Variants in THAP1 observed in about 807,000 individuals in gnomAD.
The protein encoded by THAP1 is THAP domain-containing protein 1.
Under a neutral mutation model 18.2 loss-of-function variants are expected in THAP1, and 6 were observed. The observed-to-expected ratio is 0.33, with a 90% CI of 0.18 to 0.65. THAP1 has a LOEUF of 0.65. Among genes scored for constraint, THAP1 ranks in the 30% least tolerant of loss-of-function variants. The probability of loss-of-function intolerance (pLI) is 0.74; values close to 1 mark genes in which losing one functional copy is unlikely to be tolerated. For synonymous variants in THAP1, 85 were observed against 90.5 expected (o/e 0.94, Z 0.34); for missense variants, 176 against 253.0 (o/e 0.70, Z 2.06).
At chr8:42,841,182 T>C (rs748568523) in intron 1 of THAP1, among the ~76,000 whole-genome samples, 123 of 152,084 alleles carry the variant, frequency 8.1e-4, no homozygotes, top group African/African-American at 2.2e-3. Flanking sequence ...TCTTAAGATC[T>C]TTCCCATCTA....
rs1414288594 is a variant in THAP1, at chr8:42,838,436, AG to A, written c.268-101del. 4 of 1,494,510 alleles carry A rather than the reference AG, an allele frequency of 2.7e-6. No homozygotes were observed. The African/African-American group carries it at 5.5e-5, about 21-fold the overall frequency. 92.6% of individuals were successfully genotyped at this position (1,494,510 alleles called of 1,614,324 possible). A position where few individuals can be genotyped will look rare whatever the true frequency, so the allele number is the denominator to read the frequency against. On this transcript the variant is annotated intron_variant, in intron 2 of 2. Coordinates refer to ENST00000254250, the MANE Select transcript of THAP1 (RefSeq NM_018105.3). The stretch of plus-strand genomic sequence containing the variant: ...CGCAGTGGCTCATGCCTATAATCCT[AG>A]TACTTTTGTGAGGAAGAGGTGGGCG...
intron 1 of THAP1, among the ~76,000 whole-genome samples, chr8:42,841,995 T>TA: frequency 6.6e-6 from 1 of 152,248 alleles, no homozygotes; most frequent in South Asian, 2.1e-4. Flanking sequence ...AAAAATAAAT[T>TA]AACTGAAAAG....
At chr8:42,839,127 C>T in intron 2 of THAP1, 59 bp downstream of exon 2, 2 of 1,578,248 alleles carry the variant, frequency 1.3e-6, no homozygotes, top group Non-Finnish European at 1.7e-6. Flanking sequence ...ACATTTTAAT[C>T]AATGAACACA....
chr8:42,842,982 C>A (rs748129133), intron 1 of THAP1, 42 bp downstream of exon 1: 6 of 1,560,902 alleles, frequency 3.8e-6, no homozygotes, highest in Non-Finnish European at 3.5e-6. Context: ...CGCGCCCCCA[C>A]CCCGGCTGAG....
Position 42,837,829 on chromosome 8 carries a change from T to A in THAP1, c.*133A>T. On this transcript the variant is annotated 3_prime_UTR_variant, in exon 3 of 3. Coordinates refer to ENST00000254250, the MANE Select transcript of THAP1 (RefSeq NM_018105.3). Reference sequence around the variant, plus strand: ...TATAATTTTACAGTATATATAGAATTTTTTTTAAAAAAATATTCTGAACTG... The same window carrying A: ...TATAATTTTACAGTATATATAGAATATTTTTTAAAAAAATATTCTGAACTG... 1.0e-6 allele frequency: 1 copy of A among 1,000,338 alleles called. No homozygotes were observed. Among genetic ancestry groups the A allele is most frequent in the Non-Finnish European group, 1.4e-6 (1 of 733,050 alleles). The allele number at this position is 1,000,338 out of a possible 1,614,324, so 62.0% of individuals were successfully genotyped here. A position where few individuals can be genotyped will look rare whatever the true frequency, so the allele number is the denominator to read the frequency against.
At chr8:42,839,844 C>A (rs1223383371) in intron 1 of THAP1, among the ~76,000 whole-genome samples, 1 of 152,104 alleles carries the variant, frequency 6.6e-6, no homozygotes, top group Non-Finnish European at 1.5e-5. Context: ...TGTGCCTGGC[C>A]CTCATTCATT....
Position 42,837,823 on chromosome 8 carries a change from T to C in THAP1, c.*139A>G, listed in dbSNP as rs1802642842. 2.2e-6 allele frequency: 2 copies of C among 901,252 alleles called. No homozygotes were observed. The highest frequency in any genetic ancestry group is 3.1e-6 in the Non-Finnish European group (2 of 644,830). 55.8% of individuals were successfully genotyped at this position (901,252 alleles called of 1,614,324 possible). ...AAAATTTATAATTTTACAGTATATA[T>C]AGAATTTTTTTTAAAAAAATATTCT... On this transcript the variant is annotated 3_prime_UTR_variant, in exon 3 of 3. Coordinates refer to ENST00000254250, the MANE Select transcript of THAP1 (RefSeq NM_018105.3).
chr8:42,843,228 C>T lies in THAP1; in HGVS notation c.-134G>A. 1 of 1,063,018 alleles carries T rather than the reference C, an allele frequency of 9.4e-7. No individual in the cohort carries two copies. The highest frequency in any genetic ancestry group is 2.5e-5 in the East Asian group (1 of 40,142). 65.8% of individuals were successfully genotyped at this position (1,063,018 alleles called of 1,614,324 possible). On this transcript the variant is annotated 5_prime_UTR_variant, in exon 1 of 3. Coordinates refer to ENST00000254250, the MANE Select transcript of THAP1 (RefSeq NM_018105.3). The stretch of plus-strand genomic sequence containing the variant: ...CAACAGTTACAGTGATGGTGGCCTC[C>T]CTCGGGGGTGACTAGTGTGCCCGTT...
chr8:42,842,983 C>G (rs1563646115), intron 1 of THAP1, 41 bp downstream of exon 1: 1 of 1,563,424 alleles, frequency 6.4e-7, no homozygotes. Flanking sequence ...GCGCCCCCAC[C>G]CCGGCTGAGA....
intron 1 of THAP1, among the ~76,000 whole-genome samples, chr8:42,839,659 T>TGC (rs1228748662): frequency 1.2e-4 from 18 of 152,312 alleles, no homozygotes; most frequent in African/African-American, 4.3e-4. Flanking sequence ...GCGATTCTCC[T>TGC]GCCTCAGCCT....
chr8:42,839,079 C>T lies in THAP1; in HGVS notation c.267+107G>A, dbSNP rs768588758. ...TGTATCACTGTTAACTACAAGGTTC[C>T]AGGCACATTTATTCTCTTAACACTA... is the stretch of plus-strand genomic sequence containing the variant. On this transcript the variant is annotated intron_variant, in intron 2 of 2. Transcript: ENST00000254250. 3 of 1,217,658 alleles carry T rather than the reference C, an allele frequency of 2.5e-6. No homozygotes were observed. The African/African-American group carries it at 4.5e-5, about 18-fold the overall frequency. 75.4% of individuals were successfully genotyped at this position (1,217,658 alleles called of 1,614,324 possible). A position where few individuals can be genotyped will look rare whatever the true frequency, so the allele number is the denominator to read the frequency against.
At position 42,838,224 on chromosome 8, in the gene THAP1, A is replaced by T; in HGVS notation, c.380T>A (p.Val127Asp). The T allele has an allele frequency of 6.2e-7, 1 of 1,614,196 alleles. No individual in the cohort carries two copies. The highest frequency in any genetic ancestry group is 8.5e-7 in the Non-Finnish European group (1 of 1,180,036). Residue 127 changes from valine (V) to aspartate (D), a missense_variant, in exon 3 of 3, where the codon GTT becomes GAT. By Grantham distance (152) the Val-to-Asp change is radical (BLOSUM62 -3). Coordinates refer to ENST00000254250, the MANE Select transcript of THAP1 (RefSeq NM_018105.3). ...GTGGTCACAGAAAACTGAGAGATTA[A>T]CAGGGGTCTGAAGAGGCGGCATTAG... The part of the protein sequence containing the change: ...GLLMPPLQTP[V>D]NLSVFCDHNY...
rs890630700 is a variant in THAP1 at position 42,836,778 on chromosome 8, A to T, written c.*1184T>A. The stretch of plus-strand genomic sequence containing the variant: ...AGTAATAATTATCATTGGAACAGTT[A>T]TTCTAAATCTAAAAAGATAACTCCC... On this transcript the variant is annotated 3_prime_UTR_variant, in exon 3 of 3. Coordinates refer to ENST00000254250, the MANE Select transcript of THAP1 (RefSeq NM_018105.3). 5 of 152,642 alleles carry T rather than the reference A, an allele frequency of 3.3e-5. No homozygotes were observed. Among genetic ancestry groups the T allele is most frequent in the African/African-American group, 1.2e-4 (5 of 41,458 alleles). 9.5% of individuals were successfully genotyped at this position (152,642 alleles called of 1,614,324 possible). A position where few individuals can be genotyped will look rare whatever the true frequency, so the allele number is the denominator to read the frequency against.
chr8:42,841,893 C>T (rs1027876664), intron 1 of THAP1, among the ~76,000 whole-genome samples: 3 of 152,258 alleles, frequency 2.0e-5, no homozygotes, highest in Non-Finnish European at 4.4e-5. Flanking sequence ...TCTACACACT[C>T]TTATTTCTAT....
rs1802761602 is a variant in THAP1, at chr8:42,843,210, T to TA, written c.-117dup. 1.5e-6 allele frequency: 2 copies of TA among 1,294,778 alleles called. No individual in the cohort carries two copies. Among genetic ancestry groups the TA allele is most frequent in the Non-Finnish European group, 2.2e-6 (2 of 898,074 alleles). The allele number at this position is 1,294,778 out of a possible 1,614,324, so 80.2% of individuals were successfully genotyped here. On this transcript the variant is annotated 5_prime_UTR_variant, in exon 1 of 3. Coordinates refer to ENST00000254250, the MANE Select transcript of THAP1 (RefSeq NM_018105.3). ...TTCTTTTGTAGCTTTGGCCAACAGTTACAGTGATGGTGGCCTCCCTCGGGG... is the reference window on the plus strand; with the variant it reads ...TTCTTTTGTAGCTTTGGCCAACAGTTAACAGTGATGGTGGCCTCCCTCGGGG...
chr8:42,840,965 CAAAAAAAA>C (rs1029278824), intron 1 of THAP1, among the ~76,000 whole-genome samples: 1 of 47,060 alleles, frequency 2.1e-5, no homozygotes, highest in Non-Finnish European at 4.4e-5. Flanking sequence ...GACTCCATCT[CAAAAAAAA>C]AAAAAAAAAA....
intron 1 of THAP1, among the ~76,000 whole-genome samples, chr8:42,841,292 A>AT (rs1222368661): frequency 7.8e-6 from 1 of 128,874 alleles, no homozygotes; most frequent in Non-Finnish European, 1.6e-5. Flanking sequence ...AAACAGTTGT[A>AT]TCTTTTTTTT....
At chr8:42,838,370 G>GT (rs774720567) in intron 2 of THAP1, 34 bp from the exon 3 acceptor site, 149 of 1,609,812 alleles carry the variant, frequency 9.3e-5, no homozygotes, top group Admixed American at 2.2e-4. Flanking sequence ...TTTGAATTTA[G>GT]TAACTAAAAA....
Position 42,839,189 on chromosome 8 carries a change from G to C in THAP1, c.264C>G (p.Asp88Glu). 1 of 1,614,012 alleles carries C rather than the reference G, an allele frequency of 6.2e-7. No individual in the cohort carries two copies. Among genetic ancestry groups the C allele is most frequent in the Non-Finnish European group, 8.5e-7 (1 of 1,179,980 alleles). ...PTIFLCTEPH[D>E]KKEDLLEPQE... ...AATATTTTAAAATGCATATTACCTT[G>C]TCATGTGGCTCAGTACAAAGAAATA... Residue 88 changes from aspartate to glutamate, a missense_variant, in exon 2 of 3, where the codon GAC becomes GAG. Asp to Glu is a conservative substitution (Grantham distance 45). Transcript: ENST00000254250.
Sources: gnomAD v4.1 joint callset for allele counts (sites outside exome capture counted in the v4.1 genomes callset) on GRCh38, gnomAD v4.1.1 for gene constraint, MANE v1.5 for transcripts, NCBI Gene and HGNC (gene_info 2026-07-23, HGNC 2026-07-21) for gene names.